IRAG2: variants seen among roughly 807,000 people sequenced by gnomAD.
IRAG2 encodes lymphoid restricted membrane protein.
A neutral mutation model predicts 69.9 loss-of-function variants in IRAG2; 45 were observed. That is an observed-to-expected ratio of 0.64 (90% CI 0.51 to 0.83). IRAG2 has a LOEUF of 0.83. Among genes scored for constraint, IRAG2 ranks in the 40% least tolerant of loss-of-function variants. IRAG2 has a pLI of 0.00. For missense variants in IRAG2, 520 were observed against 587.0 expected (o/e 0.89, Z 1.18); for synonymous variants, 193 against 202.4 (o/e 0.95, Z 0.40).
chr12:25,083,248 C>T (rs146042911), intron 9 of IRAG2, among the ~76,000 whole-genome samples, 175 bp from the exon 10 acceptor site: 3 of 152,162 alleles, frequency 2.0e-5, no homozygotes, highest in Non-Finnish European at 2.9e-5. Flanking sequence ...CTTAGCTGCT[C>T]CATCCTAATT....
intron 10 of IRAG2, chr12:25,031,158 A>G (rs1484684880): frequency 2.6e-6 from 2 of 783,196 alleles, no homozygotes; most frequent in Non-Finnish European, 3.1e-6. Flanking sequence ...TGAAGTTTCA[A>G]AAGAAACATG....
At chr12:25,044,889 C>T (rs1944779998) in intron 16 of IRAG2, among the ~76,000 whole-genome samples, 1 of 152,070 alleles carries the variant, frequency 6.6e-6, no homozygotes, top group African/African-American at 2.4e-5. Context: ...AAACAGCAGG[C>T]TTGAATGGCA....
intron 1 of IRAG2, among the ~76,000 whole-genome samples, chr12:25,057,500 C>T (rs527733231): frequency 6.6e-6 from 1 of 152,148 alleles, no homozygotes; most frequent in African/African-American, 2.4e-5. Context: ...CTCAAGCAAT[C>T]CTCCTGCCTC....
intron 6 of IRAG2, among the ~76,000 whole-genome samples, chr12:25,077,231 T>TATATATGAAATATATATATG (rs1565562422): frequency 4.4e-5 from 2 of 45,514 alleles, no homozygotes; most frequent in East Asian, 1.1e-3. Context: ...ATATATATGA[T>TATATATGAAATATATATATG]ATATATATGA....
intron 10 of IRAG2, chr12:25,030,869 A>G (rs1188108103): frequency 5.0e-6 from 1 of 198,256 alleles, no homozygotes; most frequent in African/African-American, 2.4e-5. Context: ...TAACAACATA[A>G]ATGAGTCTGC....
intron 16 of IRAG2, among the ~76,000 whole-genome samples, chr12:25,044,019 G>A (rs1385007388): frequency 6.6e-6 from 1 of 152,004 alleles, no homozygotes; most frequent in Admixed American, 6.6e-5. Flanking sequence ...ACACTGTAAT[G>A]GTTGTGGTTA....
chr12:25,105,079 T>G (rs949741768), intron 20 of IRAG2, among the ~76,000 whole-genome samples: 30 of 145,094 alleles, frequency 2.1e-4, no homozygotes, highest in East Asian at 1.8e-3. Flanking sequence ...CAGTTTTTTT[T>G]TTTTTTTTTT....
rs1565562566 is a variant in IRAG2, at chr12:25,077,244, T to TATATATGATATATATATGAA, written c.25-1994_25-1993insGATATATATATGAAATATAT. Reference sequence around the variant, plus strand: ...AAATATATATGATATATATATGAAATATATATATGATATATATATGAAATA... The same window carrying TATATATGATATATATATGAA: ...AAATATATATGATATATATATGAAATATATATGATATATATATGAAATATATATGATATATATATGAAATA... On this transcript the variant is annotated intron_variant, in intron 6 of 21. Coordinates refer to ENST00000556887, the MANE Select transcript of IRAG2 (RefSeq NM_001366544.2). Among the ~76,000 whole-genome samples the TATATATGATATATATATGAA allele has an allele frequency of 4.7e-5, 3 of 63,896 alleles. 1 individual carries two copies. The highest frequency in any genetic ancestry group is 1.6e-4 in the African/African-American group (3 of 19,196). 41.9% of individuals were successfully genotyped at this position (63,896 alleles called of 152,430 possible).
At chr12:25,064,573 G>A (rs939282504) in intron 4 of IRAG2, among the ~76,000 whole-genome samples, 2 of 152,106 alleles carry the variant, frequency 1.3e-5, no homozygotes, top group African/African-American at 2.4e-5. Context: ...TAAAATTAAC[G>A]TCTAGTTCTG....
chr12:25,061,697 G>A, intron 2 of IRAG2, 44 bp downstream of exon 2: 1 of 398,422 alleles, frequency 2.5e-6, no homozygotes. Flanking sequence ...GGAGGAAGTT[G>A]TTCAATTCAT....
chr12:25,080,707 T>C (rs566506181), intron 9 of IRAG2, among the ~76,000 whole-genome samples: 2 of 152,156 alleles, frequency 1.3e-5, no homozygotes, highest in Non-Finnish European at 2.9e-5. Flanking sequence ...ATAGAGGTGC[T>C]AAAATAGAAT....
At chr12:25,002,719 G>T (rs1041381146), upstream of IRAG2, among the ~76,000 whole-genome samples, 4 of 150,334 alleles carry the variant, frequency 2.7e-5, no homozygotes, top group Admixed American at 1.3e-4. Context: ...TCAGCTCACT[G>T]CAACCTCTGC....
chr12:25,105,368 G>A (rs916053850), intron 20 of IRAG2, among the ~76,000 whole-genome samples: 17 of 152,176 alleles, frequency 1.1e-4, no homozygotes, highest in African/African-American at 3.4e-4. Context: ...GAGCCACTGC[G>A]CCCGGCCTTC....
chr12:25,029,708 T>A (rs1031290552), intron 9 of IRAG2, among the ~76,000 whole-genome samples: 1 of 151,858 alleles, frequency 6.6e-6, no homozygotes, highest in Non-Finnish European at 1.5e-5. Flanking sequence ...GAGATGAGAG[T>A]CTTGCGCTGT....
chr12:25,058,130 G>A (rs1411345453), intron 1 of IRAG2, among the ~76,000 whole-genome samples: 1 of 152,114 alleles, frequency 6.6e-6, no homozygotes, highest in African/African-American at 2.4e-5. Flanking sequence ...GAACTGTTAG[G>A]ACATAGCATA....
At chr12:25,104,959 C>CAAAT (rs1948955246) in intron 20 of IRAG2, among the ~76,000 whole-genome samples, 1 of 150,620 alleles carries the variant, frequency 6.6e-6, no homozygotes, top group Non-Finnish European at 1.5e-5. Flanking sequence ...GTAAACTAAA[C>CAAAT]AAATATACTT....
At chr12:25,095,664 G>A (rs1434383129) in intron 14 of IRAG2, among the ~76,000 whole-genome samples, 2 of 152,124 alleles carry the variant, frequency 1.3e-5, no homozygotes, top group East Asian at 3.9e-4. Flanking sequence ...CATAGAATGA[G>A]CTTGGAAGTA....
At chr12:25,004,314 C>T, upstream of IRAG2, 1 of 1,228,208 alleles carries the variant, frequency 8.1e-7, no homozygotes, top group Non-Finnish European at 1.0e-6. Context: ...TTAGCCACTT[C>T]ATCTGTATAC....
intron 6 of IRAG2, chr12:25,017,419 T>A: frequency 6.4e-6 from 6 of 937,586 alleles, no homozygotes; most frequent in Non-Finnish European, 8.3e-6. Context: ...ATTCAGTGTT[T>A]TTAGAGTATA....
Sources: allele counts gnomAD v4.1 joint callset (sites outside exome capture counted in the v4.1 genomes callset), GRCh38; gene constraint gnomAD v4.1.1; transcripts MANE v1.5; gene names NCBI Gene and HGNC (gene_info 2026-07-23, HGNC 2026-07-21).